ERBB4: variants seen among roughly 807,000 people sequenced by gnomAD.
ERBB4 encodes the protein erb-b2 receptor tyrosine kinase 4.
In ERBB4, 42 loss-of-function variants were observed where a neutral mutation model predicts 158.0. The ratio of observed to expected loss-of-function variants is 0.27; its 90% CI spans 0.21 to 0.34. ERBB4 has a LOEUF of 0.34. ERBB4 is among the 10% of genes least tolerant of loss of function. The pLI, the probability that ERBB4 is intolerant of heterozygous loss-of-function variation, is 1.00. For missense variants in ERBB4, 1,333 were observed against 1,624.1 expected (o/e 0.82, Z 3.08); for synonymous variants, 583 against 558.7 (o/e 1.04, Z -0.61).
chr2:212,476,362 T>C (rs1574991165), intron 1 of ERBB4, among the ~76,000 whole-genome samples: 1 of 152,146 alleles, frequency 6.6e-6, no homozygotes, highest in Non-Finnish European at 1.5e-5. Flanking sequence ...TCAAAAAACA[T>C]TTTGTCAAAT....
At chr2:211,640,271 G>C (rs17335483) in intron 16 of ERBB4, among the ~76,000 whole-genome samples, 8,095 of 152,130 alleles carry the variant, frequency 0.053, 320 homozygotes, top group Middle Eastern at 0.085. Context: ...CCTGCTGGTA[G>C]CCCTTTTTCC....
At chr2:212,464,102 C>T (rs912373034) in intron 1 of ERBB4, among the ~76,000 whole-genome samples, 1 of 152,010 alleles carries the variant, frequency 6.6e-6, no homozygotes, top group South Asian at 2.1e-4. Flanking sequence ...ATCAGTAGAC[C>T]CATGTGGTCT....
At chr2:212,156,803 T>C (rs894804413) in intron 1 of ERBB4, among the ~76,000 whole-genome samples, 11 of 152,044 alleles carry the variant, frequency 7.2e-5, no homozygotes, top group Non-Finnish European at 1.5e-4. Flanking sequence ...CTGGCCTCCT[T>C]TCTCTCCTTC....
intron 25 of ERBB4, among the ~76,000 whole-genome samples, chr2:211,418,194 A>ATGGT (rs2063435978): frequency 6.6e-6 from 1 of 152,188 alleles, no homozygotes; most frequent in East Asian, 1.9e-4. Flanking sequence ...CAAACTTAAA[A>ATGGT]TGGTAGTAAT....
intron 1 of ERBB4, among the ~76,000 whole-genome samples, chr2:212,423,108 A>C (rs1342823497): frequency 2.0e-5 from 3 of 152,168 alleles, no homozygotes; most frequent in African/African-American, 7.2e-5. Flanking sequence ...AAATACTCTG[A>C]GTAAAGCTAG....
chr2:212,522,598 A>T (rs1692234368), intron 1 of ERBB4, among the ~76,000 whole-genome samples: 1 of 151,944 alleles, frequency 6.6e-6, no homozygotes, highest in African/African-American at 2.4e-5. Context: ...GGACAGTAAG[A>T]AAAAGATGAA....
At chr2:211,394,112 TA>T (rs1312916399) in intron 25 of ERBB4, among the ~76,000 whole-genome samples, 1 of 152,070 alleles carries the variant, frequency 6.6e-6, no homozygotes, top group East Asian at 1.9e-4. Flanking sequence ...AATGAGTCAA[TA>T]AAATGAAACT....
chr2:212,459,806 T>C lies in ERBB4; in HGVS notation c.82+78643A>G, dbSNP rs1206842232. On this transcript the variant is annotated intron_variant, in intron 1 of 27. Coordinates refer to ENST00000342788, the MANE Select transcript of ERBB4 (RefSeq NM_005235.3). ...AATCCATATATTTACAGCCTACTAATGTTCAACAAAGGCACCAGAACATCC... is the reference window on the plus strand; with the variant it reads ...AATCCATATATTTACAGCCTACTAACGTTCAACAAAGGCACCAGAACATCC... Among the ~76,000 whole-genome samples the C allele has an allele frequency of 2.6e-5, 4 of 152,186 alleles. No individual in the cohort carries two copies. The East Asian group carries it at 7.7e-4, about 29-fold the overall frequency.
intron 3 of ERBB4, among the ~76,000 whole-genome samples, chr2:211,878,101 C>T (rs2078559245): frequency 6.6e-6 from 1 of 152,118 alleles, no homozygotes; most frequent in Non-Finnish European, 1.5e-5. Context: ...GAGCGAGACG[C>T]CATCTCAAAA....
intron 19 of ERBB4, among the ~76,000 whole-genome samples, chr2:211,583,875 A>T (rs780187854): frequency 6.6e-6 from 1 of 151,358 alleles, no homozygotes; most frequent in Non-Finnish European, 1.5e-5. Flanking sequence ...ATAAGAAATA[A>T]ATTATTCTTT....
Position 211,693,390 on chromosome 2 carries a change from A to C in ERBB4, c.1489+8577T>G, listed in dbSNP as rs545037672. ...GAATATGTTATTGTTAGTAAATGCAAAAAAACCCCACTATTTATAGAATGC... is the reference window on the plus strand; with the variant it reads ...GAATATGTTATTGTTAGTAAATGCACAAAAACCCCACTATTTATAGAATGC... On this transcript the variant is annotated intron_variant, in intron 12 of 27. Coordinates refer to ENST00000342788, the MANE Select transcript of ERBB4 (RefSeq NM_005235.3). 1.1e-4 allele frequency among the ~76,000 whole-genome samples: 16 copies of C among 152,228 alleles called. No individual in the cohort carries two copies. In the South Asian group the frequency reaches 3.3e-3, roughly 32 times the overall value.
At chr2:211,426,433 T>C (rs1453335432) in intron 22 of ERBB4, among the ~76,000 whole-genome samples, 1 of 152,194 alleles carries the variant, frequency 6.6e-6, no homozygotes, top group African/African-American at 2.4e-5. Context: ...TGCAATCAAC[T>C]ATGATATATC....
chr2:212,276,320 T>C (rs1404092599), intron 1 of ERBB4, among the ~76,000 whole-genome samples: 1 of 151,816 alleles, frequency 6.6e-6, no homozygotes, highest in African/African-American at 2.4e-5. Flanking sequence ...AAGACTATAT[T>C]ACTATCTGGA....
chr2:211,397,581 T>A (rs1327688750), intron 25 of ERBB4, among the ~76,000 whole-genome samples: 1 of 152,112 alleles, frequency 6.6e-6, no homozygotes, highest in South Asian at 2.1e-4. Flanking sequence ...CGGCTGAGGA[T>A]CCTTAGATTG....
At chr2:211,420,731 TA>T (rs1343368276) in intron 24 of ERBB4, 120 bp from the exon 25 acceptor site, 10 of 904,488 alleles carry the variant, frequency 1.1e-5, no homozygotes, top group Non-Finnish European at 1.7e-5. Context: ...ACACACATTT[TA>T]AAAAAACAAG....
chr2:211,449,069 T>C (rs1234054483), intron 20 of ERBB4, among the ~76,000 whole-genome samples: 1 of 152,128 alleles, frequency 6.6e-6, no homozygotes, highest in African/African-American at 2.4e-5. Context: ...TAGATATTAA[T>C]ACTGATTAGT....
rs192921155 is a variant in ERBB4, at chr2:211,810,593, G to A, written c.422-22434C>T. Among the ~76,000 whole-genome samples the A allele has an allele frequency of 8.4e-3, 1,254 of 150,074 alleles. 13 individuals are homozygous for A. Among genetic ancestry groups the A allele is most frequent in the South Asian group, 0.034 (158 of 4,698 alleles). On this transcript the variant is annotated intron_variant, in intron 3 of 27. Coordinates refer to ENST00000342788, the MANE Select transcript of ERBB4 (RefSeq NM_005235.3). ...TTTGAGCCTATGTGTGTCTCTGCAT[G>A]TGAGATGGGTCTCCCGAATACAACA...
chr2:212,203,062 C>T (rs545286865), intron 1 of ERBB4, among the ~76,000 whole-genome samples: 46 of 151,738 alleles, frequency 3.0e-4, no homozygotes, highest in African/African-American at 9.9e-4. Context: ...CAAAAGTGAA[C>T]GAGTCAGAAA....
At chr2:211,748,632 C>T (rs1257098758) in intron 5 of ERBB4, among the ~76,000 whole-genome samples, 2 of 152,152 alleles carry the variant, frequency 1.3e-5, no homozygotes, top group Non-Finnish European at 2.9e-5. Context: ...GTGGTTGGGC[C>T]CACCAGAGTG....
Sources: gnomAD v4.1 joint callset for allele counts (sites outside exome capture counted in the v4.1 genomes callset) on GRCh38, gnomAD v4.1.1 for gene constraint, MANE v1.5 for transcripts, NCBI Gene and HGNC (gene_info 2026-07-23, HGNC 2026-07-21) for gene names.